The following DLG2 variants were observed in gnomAD, a reference collection of about 807,000 sequenced individuals.
The protein encoded by DLG2 is disks large homolog 2.
DLG2 carries 45 observed loss-of-function variants against 132.5 expected under a neutral mutation model. That is an observed-to-expected ratio of 0.34 (90% confidence interval 0.27 to 0.44). The LOEUF is 0.44. DLG2 is among the 20% of genes least tolerant of loss of function. The pLI is 1.00. For missense variants in DLG2, 1,045 were observed against 1,196.9 expected (o/e 0.87, Z 1.87); for synonymous variants, 424 against 419.6 (o/e 1.01, Z -0.13).
chr11:84,851,274 G>A (rs960227692), intron 6 of DLG2, among the ~76,000 whole-genome samples: 1 of 152,012 alleles, frequency 6.6e-6, no homozygotes, highest in Non-Finnish European at 1.5e-5. Context: ...TCCTTCACAT[G>A]TTATTATATT....
At chr11:85,006,350 C>T (rs1261973918) in intron 6 of DLG2, among the ~76,000 whole-genome samples, 1 of 152,184 alleles carries the variant, frequency 6.6e-6, no homozygotes, top group Non-Finnish European at 1.5e-5. Flanking sequence ...GTGAATCCAT[C>T]TGGTCCTGGG....
At chr11:84,941,385 T>G (rs1311673899) in intron 6 of DLG2, among the ~76,000 whole-genome samples, 1 of 152,200 alleles carries the variant, frequency 6.6e-6, no homozygotes, top group Non-Finnish European at 1.5e-5. Flanking sequence ...TATCTTTAGA[T>G]GTTTTTGTGT....
intron 22 of DLG2, among the ~76,000 whole-genome samples, chr11:83,473,283 A>G (rs2092284095): frequency 6.6e-6 from 1 of 152,142 alleles, no homozygotes; most frequent in African/African-American, 2.4e-5. Context: ...TCTAATATTA[A>G]TTCGTCAGGA....
At chr11:84,480,574 C>T (rs1191819280) in intron 7 of DLG2, among the ~76,000 whole-genome samples, 4 of 152,050 alleles carry the variant, frequency 2.6e-5, no homozygotes, top group Admixed American at 2.6e-4. Context: ...ATGGTATACA[C>T]TGTGCTAATC....
chr11:84,181,420 G>C (rs897216101), intron 8 of DLG2, among the ~76,000 whole-genome samples: 1 of 151,930 alleles, frequency 6.6e-6, no homozygotes. Context: ...GGCAGAAAAA[G>C]TGTGGAAGAC....
chr11:84,989,912 A>C (rs896538581), intron 6 of DLG2, among the ~76,000 whole-genome samples: 4 of 152,226 alleles, frequency 2.6e-5, no homozygotes, highest in African/African-American at 9.6e-5. Context: ...TTTTCTACAA[A>C]TGGTGCTGGA....
At chr11:84,988,994 T>A (rs532963078) in intron 6 of DLG2, among the ~76,000 whole-genome samples, 14 of 152,082 alleles carry the variant, frequency 9.2e-5, no homozygotes, top group Non-Finnish European at 1.9e-4. Context: ...ACTAATGAGT[T>A]CGGCAAGGTC....
chr11:83,791,353 A>G, intron 17 of DLG2: 1 of 675,524 alleles, frequency 1.5e-6, no homozygotes, highest in Non-Finnish European at 2.6e-6. Context: ...CGTATCCATC[A>G]AGCTTTTGCT....
intron 9 of DLG2, among the ~76,000 whole-genome samples, chr11:84,159,917 G>T (rs1450629879): frequency 6.6e-6 from 1 of 152,076 alleles, no homozygotes; most frequent in Admixed American, 6.6e-5. Context: ...AAGACTTTTA[G>T]ATTTTAGATT....
intron 9 of DLG2, among the ~76,000 whole-genome samples, chr11:84,110,404 G>A (rs2093275862): frequency 1.3e-5 from 2 of 152,134 alleles, no homozygotes; most frequent in Non-Finnish European, 2.9e-5. Flanking sequence ...ATTTTTAAAT[G>A]TTAGAAAATT....
intron 6 of DLG2, among the ~76,000 whole-genome samples, chr11:84,599,011 A>T (rs975519079): frequency 2.6e-5 from 4 of 152,010 alleles, no homozygotes; most frequent in Non-Finnish European, 5.9e-5. Context: ...TTGGGAGGCA[A>T]AGGTGGGTAG....
At chr11:84,973,961 G>T (rs961297700) in intron 6 of DLG2, among the ~76,000 whole-genome samples, 1 of 152,136 alleles carries the variant, frequency 6.6e-6, no homozygotes, top group African/African-American at 2.4e-5. Flanking sequence ...TAGAAGTTCA[G>T]CAAGCTGTAT....
At chr11:85,582,030 T>C (rs1177240295) in intron 3 of DLG2, among the ~76,000 whole-genome samples, 1 of 152,212 alleles carries the variant, frequency 6.6e-6, no homozygotes, top group Admixed American at 6.5e-5. Flanking sequence ...TCCAGCTATA[T>C]TTGTCTGCCT....
chr11:84,799,577 G>A (rs1172463900), intron 6 of DLG2, among the ~76,000 whole-genome samples: 1 of 152,190 alleles, frequency 6.6e-6, no homozygotes, highest in Non-Finnish European at 1.5e-5. Flanking sequence ...ACAATCAGTG[G>A]AGGCTTCTTT....
At chr11:84,315,960 C>A (rs1406560971) in intron 7 of DLG2, among the ~76,000 whole-genome samples, 1 of 152,030 alleles carries the variant, frequency 6.6e-6, no homozygotes, top group Admixed American at 6.5e-5. Context: ...TTCTTCAATA[C>A]ATATTAAACA....
chr11:85,593,311 T>G (rs191359884), intron 3 of DLG2, among the ~76,000 whole-genome samples: 27 of 152,152 alleles, frequency 1.8e-4, no homozygotes, highest in Non-Finnish European at 2.9e-4. Context: ...TACCTAACCA[T>G]TTAGAACATA....
chr11:85,484,433 A>T (rs1325142281), intron 3 of DLG2, among the ~76,000 whole-genome samples: 1 of 151,360 alleles, frequency 6.6e-6, no homozygotes, highest in Non-Finnish European at 1.5e-5. Flanking sequence ...AATGGGAGAA[A>T]ATATTCGCAA....
At chr11:85,162,978 A>G (rs2078155758) in intron 4 of DLG2, among the ~76,000 whole-genome samples, 1 of 152,290 alleles carries the variant, frequency 6.6e-6, no homozygotes, top group South Asian at 2.1e-4. Context: ...ACCATCTAAT[A>G]ACTGCCAGCA....
At chr11:83,721,896 C>G (rs1049088996) in intron 18 of DLG2, among the ~76,000 whole-genome samples, 3 of 152,110 alleles carry the variant, frequency 2.0e-5, no homozygotes, top group Non-Finnish European at 4.4e-5. Flanking sequence ...TTGAAGAACT[C>G]TTGTAGGTAT....
Sources: gnomAD v4.1 joint callset for allele counts (sites outside exome capture counted in the v4.1 genomes callset) on GRCh38, gnomAD v4.1.1 for gene constraint, MANE v1.5 for transcripts, NCBI Gene and HGNC (gene_info 2026-07-23, HGNC 2026-07-21) for gene names.